The following PIP5K1B variants were observed in gnomAD, a reference collection of about 807,000 sequenced individuals.
PIP5K1B encodes the protein phosphatidylinositol 4-phosphate 5-kinase type-1 beta.
A neutral mutation model predicts 67.0 loss-of-function variants in PIP5K1B; 42 were observed. That is an observed-to-expected ratio of 0.63 (90% confidence interval 0.49 to 0.81). The LOEUF (loss-of-function observed/expected upper bound fraction) is 0.81. Ranked by LOEUF, PIP5K1B falls within the 30% of genes least tolerant of loss-of-function variation. PIP5K1B has a pLI of 0.00. For synonymous variants in PIP5K1B, 214 were observed against 231.4 expected, an observed-to-expected ratio of 0.92 and a Z score of 0.68; for missense variants, 459 against 646.3, an observed-to-expected ratio of 0.71 and a Z score of 3.14.
At chr9:68,846,757 G>C (rs191188981) in intron 4 of PIP5K1B, among the ~76,000 whole-genome samples, 1 of 152,198 alleles carries the variant, frequency 6.6e-6, no homozygotes, top group Admixed American at 6.5e-5. Flanking sequence ...CTCTAACATA[G>C]ATAATGACAT....
At chr9:68,744,845 T>C (rs758876867) in intron 2 of PIP5K1B, among the ~76,000 whole-genome samples, 3 of 152,210 alleles carry the variant, frequency 2.0e-5, no homozygotes, top group Non-Finnish European at 4.4e-5. Flanking sequence ...TTCAGCCTAA[T>C]TGCAGACTGT....
At chr9:68,770,630 G>A (rs1830630693) in intron 2 of PIP5K1B, among the ~76,000 whole-genome samples, 1 of 152,162 alleles carries the variant, frequency 6.6e-6, no homozygotes, top group Non-Finnish European at 1.5e-5. Context: ...TTGGATCAGT[G>A]GCAGCATTAG....
At chr9:68,993,474 A>G (rs1404087192) in intron 15 of PIP5K1B, among the ~76,000 whole-genome samples, 1 of 152,132 alleles carries the variant, frequency 6.6e-6, no homozygotes, top group Non-Finnish European at 1.5e-5. Context: ...AACCGTTGTA[A>G]AAAGATTTTT....
intron 2 of PIP5K1B, among the ~76,000 whole-genome samples, chr9:68,793,662 G>A (rs1396841650): frequency 6.6e-6 from 1 of 152,072 alleles, no homozygotes; most frequent in African/African-American, 2.4e-5. Flanking sequence ...TGGGGGGAGG[G>A]GCTATGGCTG....
chr9:68,989,493 G>T (rs764774715), intron 14 of PIP5K1B, among the ~76,000 whole-genome samples: 3 of 151,452 alleles, frequency 2.0e-5, no homozygotes, highest in Non-Finnish European at 4.4e-5. Context: ...ATGGCCAATG[G>T]CCAGCCTTCT....
intron 5 of PIP5K1B, among the ~76,000 whole-genome samples, chr9:68,867,755 A>G (rs1358745596): frequency 6.6e-6 from 1 of 152,294 alleles, no homozygotes; most frequent in South Asian, 2.1e-4. Context: ...TTCCAAGCCC[A>G]TATGGGGATG....
intron 5 of PIP5K1B, among the ~76,000 whole-genome samples, chr9:68,866,847 A>G (rs1159160866): frequency 6.6e-6 from 1 of 152,190 alleles, no homozygotes; most frequent in East Asian, 1.9e-4. Context: ...ACTCTGAAAG[A>G]CAGGCAAGAG....
chr9:68,828,549 G>A (rs1834109256), intron 4 of PIP5K1B, among the ~76,000 whole-genome samples: 1 of 152,232 alleles, frequency 6.6e-6, no homozygotes. Context: ...GCAGGCAGCG[G>A]TGAGGAAGGA....
At chr9:68,816,848 G>A (rs143808294) in intron 2 of PIP5K1B, among the ~76,000 whole-genome samples, 1 of 152,162 alleles carries the variant, frequency 6.6e-6, no homozygotes, top group Non-Finnish European at 1.5e-5. Context: ...CAGGTTAGGG[G>A]GAGCTCTCTT....
At chr9:68,752,669 CA>C (rs1829694957) in intron 2 of PIP5K1B, among the ~76,000 whole-genome samples, 3 of 152,046 alleles carry the variant, frequency 2.0e-5, no homozygotes, top group Non-Finnish European at 4.4e-5. Context: ...CAGGAGTTAC[CA>C]ATGTATCCTT....
chr9:68,864,645 T>G (rs1823270098), intron 5 of PIP5K1B, among the ~76,000 whole-genome samples: 1 of 152,214 alleles, frequency 6.6e-6, no homozygotes, highest in Non-Finnish European at 1.5e-5. Context: ...AATTTTATGT[T>G]GAGTATATTT....
intron 14 of PIP5K1B, among the ~76,000 whole-genome samples, chr9:68,941,993 G>A (rs76301070): frequency 0.013 from 1,930 of 152,258 alleles, 39 homozygotes; most frequent in African/African-American, 0.044. Flanking sequence ...AGCTGGGCCT[G>A]AGTTTGCACT....
chr9:68,845,434 G>A (rs961967620), intron 4 of PIP5K1B, among the ~76,000 whole-genome samples: 1 of 152,192 alleles, frequency 6.6e-6, no homozygotes, highest in Non-Finnish European at 1.5e-5. Context: ...AGCCAGCTGG[G>A]TTTTGGAGGA....
At chr9:68,797,849 G>T (rs865978288) in intron 2 of PIP5K1B, among the ~76,000 whole-genome samples, 9 of 140,488 alleles carry the variant, frequency 6.4e-5, no homozygotes, top group Non-Finnish European at 1.4e-4. Flanking sequence ...TTTTGTTTTA[G>T]CATTGGAAAA....
intron 1 of PIP5K1B, among the ~76,000 whole-genome samples, chr9:68,738,272 G>A (rs542436092): frequency 6.6e-6 from 1 of 152,228 alleles, no homozygotes; most frequent in Admixed American, 6.5e-5. Context: ...CTAAAATTGA[G>A]GTTGTATTTA....
intron 4 of PIP5K1B, among the ~76,000 whole-genome samples, chr9:68,846,489 T>C (rs1471347853): frequency 6.6e-6 from 1 of 152,226 alleles, no homozygotes; most frequent in Non-Finnish European, 1.5e-5. Flanking sequence ...TCCTTAGTCC[T>C]TACATCTGCT....
At chr9:68,958,711 C>G (rs1188528647) in intron 14 of PIP5K1B, among the ~76,000 whole-genome samples, 2 of 152,000 alleles carry the variant, frequency 1.3e-5, no homozygotes, top group Non-Finnish European at 2.9e-5. Flanking sequence ...CATGAGATGC[C>G]TCAAGAATCA....
chr9:68,901,198 A>G (rs946038384), intron 8 of PIP5K1B, among the ~76,000 whole-genome samples: 4 of 152,190 alleles, frequency 2.6e-5, no homozygotes, highest in East Asian at 3.8e-4. Context: ...TTAGACTTCA[A>G]TCAAAACATG....
chr9:68,976,530 T>C (rs1829637381), intron 14 of PIP5K1B, among the ~76,000 whole-genome samples: 1 of 152,150 alleles, frequency 6.6e-6, no homozygotes, highest in Non-Finnish European at 1.5e-5. Context: ...TTCTTTCACA[T>C]ATTGTACTGC....
Sources: gnomAD v4.1 joint callset for allele counts (sites outside exome capture counted in the v4.1 genomes callset) on GRCh38, gnomAD v4.1.1 for gene constraint, MANE v1.5 for transcripts, NCBI Gene and HGNC (gene_info 2026-07-23, HGNC 2026-07-21) for gene names.